Variants in AASS observed in about 807,000 individuals in gnomAD.
AASS encodes the protein alpha-aminoadipic semialdehyde synthase, mitochondrial.
In AASS, 86 loss-of-function variants were observed where a neutral mutation model predicts 105.4. The ratio of observed to expected loss-of-function variants is 0.82; its 90% confidence interval spans 0.69 to 0.98. AASS has a LOEUF of 0.98. Ranked by LOEUF, AASS falls within the 50% of genes least tolerant of loss-of-function variation. The pLI is 0.00. For missense variants in AASS, 1,048 were observed against 1,143.2 expected, an observed-to-expected ratio of 0.92 and a Z score of 1.20; for synonymous variants, 381 against 394.8, an observed-to-expected ratio of 0.96 and a Z score of 0.41.
Position 122,082,737 on chromosome 7 carries a change from C to T in AASS, c.2185-1142G>A, listed in dbSNP as rs548263757. On this transcript the variant is annotated intron_variant, in intron 19 of 23. Transcript: ENST00000417368. The stretch of plus-strand genomic sequence containing the variant: ...TAGTAGAGTATTATATTAATAGGTG[C>T]TAGGTTAGAGGAAAACATAGCTGTG... 5.0e-3 allele frequency: 4,958 copies of T among 988,912 alleles called. 23 individuals carry two copies. Among genetic ancestry groups the T allele is most frequent in the South Asian group, 5.5e-3 (412 of 74,698 alleles). The allele number at this position is 988,912 out of a possible 1,614,324, so 61.3% of individuals were successfully genotyped here. A position where few individuals can be genotyped will look rare whatever the true frequency, so the allele number is the denominator to read the frequency against.
chr7:122,106,690 ACT>A (rs1794680842), intron 11 of AASS, among the ~76,000 whole-genome samples: 1 of 152,158 alleles, frequency 6.6e-6, no homozygotes, highest in African/African-American at 2.4e-5. Flanking sequence ...TGCTGGGATA[ACT>A]GGCTAGCTAT....
intron 3 of AASS, among the ~76,000 whole-genome samples, chr7:122,126,691 C>A (rs776121605): frequency 6.6e-6 from 1 of 152,212 alleles, no homozygotes; most frequent in Non-Finnish European, 1.5e-5. Context: ...TGCTATACCC[C>A]CCTTGATGGT....
intron 13 of AASS, 43 bp downstream of exon 13, chr7:122,101,328 T>C (rs890945007): frequency 1.4e-6 from 2 of 1,464,624 alleles, no homozygotes; most frequent in Non-Finnish European, 1.9e-6. Context: ...AATTCCAAGA[T>C]AAGAATAAAT....
At chr7:122,082,909 G>A in intron 19 of AASS, 3 of 1,237,056 alleles carry the variant, frequency 2.4e-6, no homozygotes, top group Non-Finnish European at 3.2e-6. Context: ...AGAACAAATG[G>A]CTGGATAAAT....
At chr7:122,113,517 A>G in intron 10 of AASS, 81 bp downstream of exon 10, 1 of 1,550,846 alleles carries the variant, frequency 6.4e-7, no homozygotes, top group African/African-American at 1.4e-5. Flanking sequence ...CTTCATAAAG[A>G]TGTAAAATAC....
At position 122,080,807 on chromosome 7, in the gene AASS, C is replaced by G. The variant is rs529099904; in HGVS notation, c.2280+693G>C. On this transcript the variant is annotated intron_variant, in intron 20 of 23. Transcript: ENST00000417368. ...AAACTAGCTAGCAAGAATACCAAAACTTTTTTTTGAGATGTAATGGAATTA... is the reference window on the plus strand; with the variant it reads ...AAACTAGCTAGCAAGAATACCAAAAGTTTTTTTTGAGATGTAATGGAATTA... Among the ~76,000 whole-genome samples, 13 of 152,082 alleles carry G rather than the reference C, an allele frequency of 8.5e-5. No individual in the cohort carries two copies. In the South Asian group the frequency reaches 2.5e-3, roughly 29 times the overall value.
intron 1 of AASS, among the ~76,000 whole-genome samples, chr7:122,142,309 C>T (rs1796439053): frequency 6.6e-6 from 1 of 152,136 alleles, no homozygotes; most frequent in African/African-American, 2.4e-5. Flanking sequence ...GAAAAAGCCT[C>T]CAGGCTTGCC....
In AASS at chr7:122,098,830, T is replaced by C; in HGVS notation, c.1443A>G (p.Arg481=). ...AGCCAGATCCAAGAACCAAAACCTT[T>C]CTCCTGGTGCCCATTGAAAGTGACT... The part of the protein sequence containing the change: ...RAQSLSMGTR[R]KVLVLGSGYI... Residue 481 remains arginine (R), a synonymous_variant, in exon 14 of 24, where the codon AGA becomes AGG. Transcript: ENST00000417368. 1 of 1,598,864 alleles carries C rather than the reference T, an allele frequency of 6.3e-7. No individual in the cohort carries two copies. The highest frequency in any genetic ancestry group is 1.4e-5 in the African/African-American group (1 of 72,478).
In AASS at chr7:122,133,738, G is replaced by C. The variant is rs1255746417; in HGVS notation, c.-12C>G. On this transcript the variant is annotated 5_prime_UTR_variant, in exon 2 of 24. Transcript: ENST00000417368. ...TGTACTTGCAGCATCTTGACACCTG[G>C]TGACTGTAAAGACAATGTAAAGAGC... 2 of 1,613,362 alleles carry C rather than the reference G, an allele frequency of 1.2e-6. No homozygotes were observed. Among genetic ancestry groups the C allele is most frequent in the Non-Finnish European group, 1.7e-6 (2 of 1,179,592 alleles).
chr7:122,126,505 T>C, intron 3 of AASS, 46 bp from the exon 4 acceptor site: 1 of 1,473,384 alleles, frequency 6.8e-7, no homozygotes, highest in South Asian at 1.1e-5. Context: ...TTAAGCTTAA[T>C]TTTAACAAGT....
chr7:122,091,583 A>G, intron 18 of AASS, 120 bp downstream of exon 18: 1 of 1,433,314 alleles, frequency 7.0e-7, no homozygotes, highest in Non-Finnish European at 9.7e-7. Flanking sequence ...ACAACACAGG[A>G]GGAGATAATG....
chr7:122,130,304 T>C (rs1447223987), intron 2 of AASS, among the ~76,000 whole-genome samples: 1 of 151,950 alleles, frequency 6.6e-6, no homozygotes, highest in Admixed American at 6.5e-5. Flanking sequence ...GTAATATCAG[T>C]AAGAGGCATT....
Position 122,077,906 on chromosome 7 carries a change from T to C in AASS, c.2594A>G (p.Asn865Ser), listed in dbSNP as rs138726205. 1.2e-4 allele frequency: 197 copies of C among 1,614,058 alleles called. No individual in the cohort carries two copies. Among genetic ancestry groups the C allele is most frequent in the Admixed American group, 1.8e-4 (11 of 60,004 alleles). Residue 865 changes from asparagine (N) to serine (S), a missense_variant, in exon 23 of 24, where the codon AAT becomes AGT. Physicochemically the swap from Asn to Ser is conservative, Grantham distance 46. Transcript: ENST00000417368. Reference protein sequence around the residue: ...TIDLVAYGDINGFSAMAKTVG... With the variant: ...TIDLVAYGDISGFSAMAKTVG... Reference sequence around the variant, plus strand: ...GGTTTTAGCCATGGCTGAAAAGCCATTGATGTCCCCATAAGCCACAAGATC... The same window carrying C: ...GGTTTTAGCCATGGCTGAAAAGCCACTGATGTCCCCATAAGCCACAAGATC...
At chr7:122,123,156 C>T (rs557246669) in intron 4 of AASS, among the ~76,000 whole-genome samples, 17 of 152,260 alleles carry the variant, frequency 1.1e-4, no homozygotes, top group African/African-American at 3.8e-4. Context: ...TTTCATCCTC[C>T]ACTTAGCAAG....
chr7:122,108,663 G>A (rs988707234), intron 11 of AASS, among the ~76,000 whole-genome samples: 1 of 151,840 alleles, frequency 6.6e-6, no homozygotes, highest in Non-Finnish European at 1.5e-5. Flanking sequence ...GGCATACAGG[G>A]TACATACCTC....
At position 122,086,150 on chromosome 7, in the gene AASS, A is replaced by C. The variant is rs1000133155; in HGVS notation, c.2046T>G (p.Phe682Leu). The change falls in exon 19 of 24, where the codon TTT becomes TTG. Residue 682 changes from phenylalanine to leucine, a missense_variant. Transcript: ENST00000417368. ...KVVNVAGGIS[F>L]LDAVTSMDFF... ...AATCCATGGACGTAACGGCATCAAG[A>C]AAGGAGATGCCTCCTGCAACATTCA... 6 of 1,613,446 alleles carry C rather than the reference A, an allele frequency of 3.7e-6. No individual in the cohort carries two copies. The African/African-American group carries it at 8.0e-5, about 22-fold the overall frequency.
chr7:122,130,616 A>AACAG (rs1462815339), intron 2 of AASS, among the ~76,000 whole-genome samples: 1 of 152,018 alleles, frequency 6.6e-6, no homozygotes, highest in East Asian at 1.9e-4. Flanking sequence ...ACATGGAAGC[A>AACAG]ACAGACAGAC....
Position 122,088,741 on chromosome 7 carries a change from C to T in AASS, c.2017-2562G>A, listed in dbSNP as rs543242504. On this transcript the variant is annotated intron_variant, in intron 18 of 23. Coordinates refer to ENST00000417368, the MANE Select transcript of AASS (RefSeq NM_005763.4). ...TAAAGCGATGTTTGCAGAGCAAGCA[C>T]ACTTCTCACTTAGACTACATGTTTT... Among the ~76,000 whole-genome samples, 4 of 152,138 alleles carry T rather than the reference C, an allele frequency of 2.6e-5. No homozygotes were observed. The South Asian group carries it at 8.3e-4, about 32-fold the overall frequency.
intron 19 of AASS, among the ~76,000 whole-genome samples, chr7:122,082,079 A>T (rs1793358970): frequency 6.6e-6 from 1 of 152,174 alleles, no homozygotes; most frequent in Non-Finnish European, 1.5e-5. Flanking sequence ...AAAGCAGATA[A>T]TCCAATCTAC....
Sources: allele counts gnomAD v4.1 joint callset (sites outside exome capture counted in the v4.1 genomes callset), GRCh38; gene constraint gnomAD v4.1.1; transcripts MANE v1.5; gene names NCBI Gene and HGNC (gene_info 2026-07-23, HGNC 2026-07-21).